Variants in DNM3 observed in about 807,000 individuals in gnomAD.
The protein encoded by DNM3 is dynamin 3.
DNM3 carries 47 observed loss-of-function variants against 101.6 expected under a neutral mutation model. The observed-to-expected ratio is 0.46, with a 90% CI of 0.37 to 0.59. DNM3 has a LOEUF of 0.59. Among genes scored for constraint, DNM3 ranks in the 20% least tolerant of loss-of-function variants. The probability of loss-of-function intolerance (pLI) is 0.00; values close to 1 mark genes in which losing one functional copy is unlikely to be tolerated. For synonymous variants in DNM3, 385 were observed against 387.9 expected, an observed-to-expected ratio of 0.99 and a Z score of 0.09; for missense variants, 849 against 1,085.7, an observed-to-expected ratio of 0.78 and a Z score of 3.06.
intron 1 of DNM3, among the ~76,000 whole-genome samples, chr1:171,881,771 G>C (rs1002850209): frequency 9.2e-5 from 14 of 152,156 alleles, no homozygotes; most frequent in East Asian, 1.9e-4. Flanking sequence ...GAATTGGAGA[G>C]ATTCCAGATT....
chr1:172,055,949 G>A (rs2050571461), intron 10 of DNM3, among the ~76,000 whole-genome samples: 1 of 152,190 alleles, frequency 6.6e-6, no homozygotes, highest in Admixed American at 6.5e-5. Context: ...TCTCACTAGG[G>A]AGTGCCAGAC....
intron 1 of DNM3, among the ~76,000 whole-genome samples, chr1:171,871,870 T>C (rs1484636748): frequency 6.6e-6 from 1 of 151,712 alleles, no homozygotes; most frequent in Non-Finnish European, 1.5e-5. Flanking sequence ...TCTTGTTTTT[T>C]TTTTTTTGCT....
chr1:172,168,354 A>G (rs1328528388), intron 14 of DNM3, among the ~76,000 whole-genome samples: 1 of 152,020 alleles, frequency 6.6e-6, no homozygotes, highest in Non-Finnish European at 1.5e-5. Context: ...ATGTGTTAAC[A>G]CAGAGAATAA....
At chr1:172,135,827 T>A (rs1227187454) in intron 14 of DNM3, among the ~76,000 whole-genome samples, 1 of 152,076 alleles carries the variant, frequency 6.6e-6, no homozygotes, top group African/African-American at 2.4e-5. Context: ...AGACCCTGAT[T>A]CAAGGAGAAA....
intron 4 of DNM3, among the ~76,000 whole-genome samples, chr1:171,991,924 C>T (rs981069827): frequency 1.3e-5 from 2 of 152,192 alleles, no homozygotes; most frequent in Admixed American, 1.3e-4. Context: ...ACCATTCAGT[C>T]CCTGATTTCT....
At chr1:172,033,007 T>C (rs2048724931) in intron 5 of DNM3, 98 bp from the exon 6 acceptor site, 6 of 1,419,192 alleles carry the variant, frequency 4.2e-6, no homozygotes, top group Non-Finnish European at 5.7e-6. Context: ...TAAAACTAGT[T>C]TTGCCTTTCT....
At chr1:172,308,494 A>G (rs2064941404) in intron 15 of DNM3, among the ~76,000 whole-genome samples, 1 of 152,216 alleles carries the variant, frequency 6.6e-6, no homozygotes, top group African/African-American at 2.4e-5. Flanking sequence ...TTAATTTTGT[A>G]GCAGTACAGA....
At chr1:172,296,030 C>CAAACGTATT (rs57967331) in intron 15 of DNM3, among the ~76,000 whole-genome samples, 1 of 151,854 alleles carries the variant, frequency 6.6e-6, no homozygotes, top group Non-Finnish European at 1.5e-5. Flanking sequence ...CCTTAGCAAG[C>CAAACGTATT]AACCATTGAT....
chr1:172,063,899 A>G, intron 10 of DNM3, among the ~76,000 whole-genome samples: 1 of 152,168 alleles, frequency 6.6e-6, no homozygotes. Context: ...ATAAGCATCA[A>G]ATCCTCAGAG....
intron 18 of DNM3, among the ~76,000 whole-genome samples, chr1:172,381,319 G>T (rs960928214): frequency 1.3e-5 from 2 of 152,038 alleles, no homozygotes; most frequent in African/African-American, 4.8e-5. Context: ...TAATAGGAAT[G>T]TGGAGAAGGC....
chr1:172,089,382 G>A (rs945635080), intron 12 of DNM3, among the ~76,000 whole-genome samples: 4 of 152,010 alleles, frequency 2.6e-5, no homozygotes, highest in East Asian at 3.8e-4. Context: ...GAGTTAATTG[G>A]TTAAGTAACT....
At chr1:172,071,840 G>A (rs1004812501) in intron 11 of DNM3, among the ~76,000 whole-genome samples, 1 of 152,166 alleles carries the variant, frequency 6.6e-6, no homozygotes, top group African/African-American at 2.4e-5. Flanking sequence ...TTCAATAACT[G>A]TGGATGAAAA....
intron 2 of DNM3, among the ~76,000 whole-genome samples, chr1:171,926,543 T>G (rs1163995469): frequency 1.3e-5 from 2 of 152,242 alleles, no homozygotes; most frequent in Non-Finnish European, 2.9e-5. Context: ...TACAGGTTTA[T>G]TTTGGGACTC....
chr1:172,249,277 C>T (rs2062076231), intron 14 of DNM3, among the ~76,000 whole-genome samples: 1 of 152,150 alleles, frequency 6.6e-6, no homozygotes, highest in Admixed American at 6.6e-5. Flanking sequence ...CTTTCAAGGT[C>T]AGCGAGCACA....
intron 2 of DNM3, among the ~76,000 whole-genome samples, chr1:171,976,748 G>GT (rs1183348934): frequency 6.6e-6 from 1 of 152,094 alleles, no homozygotes; most frequent in Non-Finnish European, 1.5e-5. Flanking sequence ...GTTTTTTGTG[G>GT]TTTTTTGAGA....
intron 11 of DNM3, among the ~76,000 whole-genome samples, chr1:172,081,523 G>T (rs1484851640): frequency 6.6e-6 from 1 of 152,102 alleles, no homozygotes; most frequent in Non-Finnish European, 1.5e-5. Flanking sequence ...TGAACAGTAT[G>T]CCTACATTTT....
At chr1:171,850,458 G>A (rs1038843868) in intron 1 of DNM3, among the ~76,000 whole-genome samples, 7 of 152,082 alleles carry the variant, frequency 4.6e-5, no homozygotes, top group Non-Finnish European at 5.9e-5. Flanking sequence ...ATGTTTTCTG[G>A]TTAATAAAAC....
intron 4 of DNM3, among the ~76,000 whole-genome samples, chr1:172,005,371 T>C (rs1029441220): frequency 5.3e-5 from 8 of 152,098 alleles, no homozygotes; most frequent in African/African-American, 1.9e-4. Context: ...ATTATTTTTC[T>C]ATCAGGAATT....
intron 13 of DNM3, among the ~76,000 whole-genome samples, chr1:172,103,085 G>A (rs1305561863): frequency 6.6e-6 from 1 of 151,902 alleles, no homozygotes; most frequent in Non-Finnish European, 1.5e-5. Context: ...GTTGAATAAT[G>A]CAGATAAAAT....
Sources: allele counts gnomAD v4.1 joint callset (sites outside exome capture counted in the v4.1 genomes callset), GRCh38; gene constraint gnomAD v4.1.1; transcripts MANE v1.5; gene names NCBI Gene and HGNC (gene_info 2026-07-23, HGNC 2026-07-21).